The following INVS variants were observed in gnomAD, a reference collection of about 807,000 sequenced individuals.
INVS encodes inversion of embryo turning homolog.
INVS carries 86 observed loss-of-function variants against 108.8 expected under a neutral mutation model. The observed-to-expected ratio is 0.79, with a 90% confidence interval of 0.66 to 0.95. INVS has a LOEUF of 0.95. INVS is among the 40% of genes least tolerant of loss of function. The pLI, the probability that INVS is intolerant of heterozygous loss-of-function variation, is 0.00. For synonymous variants in INVS, 455 were observed against 473.5 expected (o/e 0.96, Z 0.51); for missense variants, 1,169 against 1,297.4 (o/e 0.90, Z 1.52).
chr9:100,175,635 A>G, intron 3 of INVS: 1 of 665,054 alleles, frequency 1.5e-6, no homozygotes. Flanking sequence ...CAATGGTGTG[A>G]CTCCAAAGGC....
chr9:100,157,069 T>C (rs995268675), intron 3 of INVS, among the ~76,000 whole-genome samples: 2 of 151,514 alleles, frequency 1.3e-5, no homozygotes, highest in Non-Finnish European at 2.9e-5. Context: ...TTAGCCACTT[T>C]AAAAAATTAA....
intron 3 of INVS, among the ~76,000 whole-genome samples, chr9:100,203,648 A>G (rs746686051): frequency 6.6e-6 from 1 of 151,836 alleles, no homozygotes; most frequent in Non-Finnish European, 1.5e-5. Flanking sequence ...GATTACAGGC[A>G]TGCGCCACCA....
chr9:100,283,120 G>T (rs1404966644), intron 12 of INVS, among the ~76,000 whole-genome samples: 1 of 152,034 alleles, frequency 6.6e-6, no homozygotes, highest in Non-Finnish European at 1.5e-5. Flanking sequence ...ACCAGCCTGG[G>T]CAACAAAGTG....
chr9:100,261,235 G>C (rs1422095405), intron 10 of INVS, among the ~76,000 whole-genome samples: 2 of 150,982 alleles, frequency 1.3e-5, no homozygotes, highest in East Asian at 1.9e-4. Context: ...GTAAAATATG[G>C]TCCATGTCTT....
intron 8 of INVS, 33 bp from the exon 9 acceptor site, chr9:100,252,250 C>G (rs1283339235): frequency 2.5e-6 from 4 of 1,609,702 alleles, no homozygotes; most frequent in Non-Finnish European, 2.6e-6. Context: ...TTGTTATTGA[C>G]TAGTTCATCA....
chr9:100,141,711 G>T (rs1828434317), intron 3 of INVS, among the ~76,000 whole-genome samples: 1 of 152,228 alleles, frequency 6.6e-6, no homozygotes, highest in Non-Finnish European at 1.5e-5. Flanking sequence ...GTAGGAAAGG[G>T]AGGAGGCCTG....
chr9:100,239,998 C>A, intron 5 of INVS, 62 bp from the exon 6 acceptor site: 1 of 1,435,918 alleles, frequency 7.0e-7, no homozygotes, highest in Admixed American at 1.7e-5. Context: ...AAAATACTTA[C>A]ACCAAATGTA....
At chr9:100,239,753 C>G (rs1831806183) in intron 5 of INVS, among the ~76,000 whole-genome samples, 1 of 152,040 alleles carries the variant, frequency 6.6e-6, no homozygotes, top group African/African-American at 2.4e-5. Context: ...AGGAGAATTG[C>G]TTGAGCCTAG....
chr9:100,239,318 T>C (rs1205749196), intron 5 of INVS, among the ~76,000 whole-genome samples: 1 of 152,206 alleles, frequency 6.6e-6, no homozygotes, highest in East Asian at 1.9e-4. Context: ...CCAACATAGA[T>C]ATCCAAGGTA....
intron 3 of INVS, among the ~76,000 whole-genome samples, chr9:100,170,945 G>A (rs1194484628): frequency 6.6e-6 from 1 of 152,176 alleles, no homozygotes; most frequent in African/African-American, 2.4e-5. Flanking sequence ...GTAAGCCTAG[G>A]TATATCATAG....
chr9:100,229,286 A>G (rs545617562), intron 4 of INVS, among the ~76,000 whole-genome samples: 19 of 152,278 alleles, frequency 1.2e-4, no homozygotes, highest in African/African-American at 4.3e-4. Flanking sequence ...CTGTGAATCT[A>G]ATATTGTGAC....
At chr9:100,134,307 A>G (rs1828153746) in intron 3 of INVS, among the ~76,000 whole-genome samples, 1 of 152,208 alleles carries the variant, frequency 6.6e-6, no homozygotes, top group African/African-American at 2.4e-5. Flanking sequence ...TCCATTGTGT[A>G]TATCTATACA....
At chr9:100,212,373 G>T (rs1184262143) in intron 3 of INVS, among the ~76,000 whole-genome samples, 1 of 152,114 alleles carries the variant, frequency 6.6e-6, no homozygotes. Context: ...ATTTATGTCA[G>T]AAAATTAATG....
In INVS at chr9:100,112,448, T is replaced by A. The variant is rs148550843; in HGVS notation, c.106+7821T>A. On this transcript the variant is annotated intron_variant, in intron 2 of 16. Transcript: ENST00000262457. ...AGAAGGCTTGAAGTTTCCCTGTATC[T>A]TATATAAGACTTAGGAAGATGACAG... Among the ~76,000 whole-genome samples, 3 of 152,290 alleles carry A rather than the reference T, an allele frequency of 2.0e-5. No individual in the cohort carries two copies. In the East Asian group the frequency reaches 5.8e-4, roughly 29 times the overall value.
chr9:100,196,705 A>C (rs1830385062), intron 3 of INVS, among the ~76,000 whole-genome samples: 1 of 147,996 alleles, frequency 6.8e-6, no homozygotes, highest in South Asian at 2.1e-4. Context: ...TATTATATAT[A>C]ATATATAAAT....
At chr9:100,277,869 G>A (rs1833156779) in intron 12 of INVS, among the ~76,000 whole-genome samples, 1 of 152,102 alleles carries the variant, frequency 6.6e-6, no homozygotes, top group African/African-American at 2.4e-5. Flanking sequence ...TTTGTCTCAT[G>A]AGGTAATATT....
rs373796667 is a variant in INVS at position 100,254,898 on chromosome 9, G to A, written c.1464+1762G>A. On this transcript the variant is annotated intron_variant, in intron 10 of 16. Coordinates refer to ENST00000262457, the MANE Select transcript of INVS (RefSeq NM_014425.5). ...TGGCTTAGGATTGTCTTGGCAATGCGGGCTCTTTTTTGGTTCCATGTGAAC... is the reference window on the plus strand; with the variant it reads ...TGGCTTAGGATTGTCTTGGCAATGCAGGCTCTTTTTTGGTTCCATGTGAAC... Among the ~76,000 whole-genome samples, 14 of 152,184 alleles carry A rather than the reference G, an allele frequency of 9.2e-5. No individual in the cohort carries two copies. In the South Asian group the frequency reaches 2.5e-3, roughly 27 times the overall value.
intron 3 of INVS, among the ~76,000 whole-genome samples, chr9:100,193,517 T>C (rs143522256): frequency 1.1e-3 from 172 of 152,324 alleles, no homozygotes; most frequent in Non-Finnish European, 2.0e-3. Context: ...ATGTGTAATT[T>C]GATAAGTTGT....
chr9:100,177,829 T>C (rs1011201755), intron 3 of INVS, among the ~76,000 whole-genome samples: 4 of 152,166 alleles, frequency 2.6e-5, no homozygotes, highest in Non-Finnish European at 4.4e-5. Flanking sequence ...GCCTCCTGAC[T>C]GGGAGACACC....
Sources: gnomAD v4.1 joint callset for allele counts (sites outside exome capture counted in the v4.1 genomes callset) on GRCh38, gnomAD v4.1.1 for gene constraint, MANE v1.5 for transcripts, NCBI Gene and HGNC (gene_info 2026-07-23, HGNC 2026-07-21) for gene names.